Variants in POLD3 observed in about 807,000 individuals in gnomAD.
POLD3 encodes DNA polymerase delta 3, accessory subunit.
POLD3 carries 19 observed loss-of-function variants against 58.2 expected under a neutral mutation model. The ratio of observed to expected loss-of-function variants is 0.33; its 90% CI spans 0.23 to 0.48. The LOEUF (loss-of-function observed/expected upper bound fraction) is 0.48, where lower values mean the gene tolerates loss of function less well. Ranked by LOEUF, POLD3 falls within the 20% of genes least tolerant of loss-of-function variation. POLD3 has a pLI of 0.99. For missense variants in POLD3, 504 were observed against 545.5 expected (o/e 0.92, Z 0.76); for synonymous variants, 172 against 193.5 (o/e 0.89, Z 0.92).
downstream of POLD3, among the ~76,000 whole-genome samples, chr11:74,644,141 G>A (rs952006511): frequency 2.6e-5 from 4 of 152,128 alleles, no homozygotes; most frequent in Non-Finnish European, 4.4e-5. Context: ...TTCTATCTTT[G>A]TTTCTTTAAG....
intron 11 of POLD3, among the ~76,000 whole-genome samples, chr11:74,636,720 A>G (rs1311478755): frequency 6.6e-6 from 1 of 152,258 alleles, no homozygotes; most frequent in East Asian, 1.9e-4. Flanking sequence ...AAAAGAAGCT[A>G]CAGATGATTA....
chr11:74,636,249 C>T lies in POLD3; in HGVS notation c.1172C>T (p.Thr391Ile). Reference protein sequence around the residue: ...RKRKRVLKSKTYLDGEGCIVT... With the variant: ...RKRKRVLKSKIYLDGEGCIVT... The stretch of plus-strand genomic sequence containing the variant: ...CGAAAACGCGTACTAAAATCTAAAA[C>T]TTACCTGGATGGGGAAGGCTGCATA... Residue 391 changes from threonine (T) to isoleucine (I), a missense_variant, in exon 11 of 12, where the codon ACT becomes ATT. By Grantham distance (89) the Thr-to-Ile change is moderately conservative. Transcript: ENST00000263681. The T allele has an allele frequency of 6.2e-7, 1 of 1,613,002 alleles. No individual in the cohort carries two copies. Among genetic ancestry groups the T allele is most frequent in the Non-Finnish European group, 8.5e-7 (1 of 1,179,010 alleles).
rs770740147 is a variant in POLD3 at position 74,612,859 on chromosome 11, T to C, written c.260-19T>C. ...TGAAGTTTGTGTATTAACTGACTGCTTTTCCTGTTGACTTGTAGCAGTGAA... is the reference window on the plus strand; with the variant it reads ...TGAAGTTTGTGTATTAACTGACTGCCTTTCCTGTTGACTTGTAGCAGTGAA... On this transcript the variant is annotated intron_variant, in intron 4 of 11. Coordinates refer to ENST00000263681, the MANE Select transcript of POLD3 (RefSeq NM_006591.3). 6 of 1,599,746 alleles carry C rather than the reference T, an allele frequency of 3.8e-6. No individual in the cohort carries two copies. In the Admixed American group the frequency reaches 8.9e-5, roughly 24 times the overall value.
At position 74,640,848 on chromosome 11, in the gene POLD3, T is replaced by G. The variant is rs576563288; in HGVS notation, c.*82T>G. 12 of 1,374,656 alleles carry G rather than the reference T, an allele frequency of 8.7e-6. No individual in the cohort carries two copies. The highest frequency in any genetic ancestry group is 1.5e-5 in the African/African-American group (1 of 67,234). 85.2% of individuals were successfully genotyped at this position (1,374,656 alleles called of 1,614,324 possible). Reference sequence around the variant, plus strand: ...TGTACTCCTCACTTACTATGTAAGTTCATCTAGATCTCCACCTCACCTGTA... The same window carrying G: ...TGTACTCCTCACTTACTATGTAAGTGCATCTAGATCTCCACCTCACCTGTA... On this transcript the variant is annotated 3_prime_UTR_variant, in exon 12 of 12. Transcript: ENST00000263681.
At chr11:74,608,463 C>T (rs1256461766) in intron 3 of POLD3, among the ~76,000 whole-genome samples, 1 of 152,080 alleles carries the variant, frequency 6.6e-6, no homozygotes, top group Admixed American at 6.6e-5. Context: ...ATAATTTTCT[C>T]TCATCAACTA....
chr11:74,621,228 C>T (rs989256305), intron 7 of POLD3, among the ~76,000 whole-genome samples: 8 of 152,026 alleles, frequency 5.3e-5, no homozygotes, highest in Admixed American at 6.6e-5. Context: ...AATGAGCAAG[C>T]GTTATTATGC....
intron 5 of POLD3, among the ~76,000 whole-genome samples, chr11:74,613,942 G>A (rs997487828): frequency 1.3e-5 from 2 of 152,150 alleles, no homozygotes; most frequent in Non-Finnish European, 2.9e-5. Flanking sequence ...TGACACAGAA[G>A]GTTATGATAT....
At chr11:74,592,972 A>C in intron 1 of POLD3, 1 of 1,359,002 alleles carries the variant, frequency 7.4e-7, no homozygotes, top group Non-Finnish European at 9.5e-7. Flanking sequence ...GGAGCCGCGG[A>C]GACCGGGCGC....
chr11:74,594,276 C>T (rs1270907854), intron 2 of POLD3, among the ~76,000 whole-genome samples, 160 bp downstream of exon 2: 1 of 152,194 alleles, frequency 6.6e-6, no homozygotes, highest in Admixed American at 6.5e-5. Flanking sequence ...ATTCCAATCT[C>T]TGCCTTCATT....
Position 74,665,081 on chromosome 11 carries a change from CAG to C in POLD3, c.370-3693_370-3692del, listed in dbSNP as rs369751436. On this transcript the variant is annotated intron_variant, in intron 4 of 4. Transcript: ENST00000524752. ...CACCACTGCACTCCAGCCTGGTCAA[CAG>C]AGTGAGACTCCATCTCAAAAAATAA... Among the ~76,000 whole-genome samples, 272 of 151,360 alleles carry C rather than the reference CAG, an allele frequency of 1.8e-3. 2 individuals are homozygous for C. Among genetic ancestry groups the C allele is most frequent in the African/African-American group, 4.7e-3 (195 of 41,194 alleles).
intron 6 of POLD3, among the ~76,000 whole-genome samples, chr11:74,619,435 G>A (rs1005892146): frequency 1.3e-5 from 2 of 152,192 alleles, no homozygotes; most frequent in Admixed American, 1.3e-4. Context: ...ATTTTCAAGC[G>A]TCTGTCTTGG....
intron 4 of POLD3, among the ~76,000 whole-genome samples, chr11:74,659,037 G>A (rs574942540): frequency 7.9e-5 from 12 of 152,328 alleles, no homozygotes; most frequent in African/African-American, 2.6e-4. Context: ...TTTTCCATGA[G>A]GGCCCCACTC....
chr11:74,600,854 A>G (rs1267467225), intron 2 of POLD3, among the ~76,000 whole-genome samples: 1 of 150,030 alleles, frequency 6.7e-6, no homozygotes, highest in Admixed American at 6.7e-5. Context: ...AGTAACTGGG[A>G]TTACGGGCAT....
intron 11 of POLD3, among the ~76,000 whole-genome samples, chr11:74,637,413 GT>G (rs541119365): frequency 0.028 from 3,330 of 120,496 alleles, 103 homozygotes; most frequent in African/African-American, 0.086. Context: ...CTTTGAATGG[GT>G]TTTTTTTTTT....
chr11:74,602,813 A>G lies in POLD3; in HGVS notation c.117-1879A>G, dbSNP rs145557498. On this transcript the variant is annotated intron_variant, in intron 2 of 11. Transcript: ENST00000263681. The stretch of plus-strand genomic sequence containing the variant: ...TACCGTCCTTATTCCACTACAGCAC[A>G]CTGGCCTTTCTGTTCCTTGGATCTT... 2.6e-5 allele frequency among the ~76,000 whole-genome samples: 4 copies of G among 152,276 alleles called. No individual in the cohort carries two copies. In the East Asian group the frequency reaches 7.7e-4, roughly 29 times the overall value.
At chr11:74,648,237 C>T (rs1207384665) in intron 4 of POLD3, among the ~76,000 whole-genome samples, 2 of 152,178 alleles carry the variant, frequency 1.3e-5, no homozygotes, top group Admixed American at 1.3e-4. Flanking sequence ...CTACGATCTG[C>T]AGCTTGTATC....
chr11:74,613,076 G>A, intron 5 of POLD3, 66 bp downstream of exon 5: 1 of 1,461,038 alleles, frequency 6.8e-7, no homozygotes. Flanking sequence ...TTACACAGTG[G>A]CTGCCTCTTA....
At chr11:74,601,400 G>A (rs2135120289) in intron 2 of POLD3, among the ~76,000 whole-genome samples, 2 of 152,274 alleles carry the variant, frequency 1.3e-5, no homozygotes, top group East Asian at 3.9e-4. Context: ...CAGTCTAGAG[G>A]GGATGCGTCA....
chr11:74,608,962 T>A (rs2031791843), intron 3 of POLD3, among the ~76,000 whole-genome samples: 1 of 152,218 alleles, frequency 6.6e-6, no homozygotes, highest in Admixed American at 6.5e-5. Context: ...TTACACTTTT[T>A]AAAAAACTTA....
Sources: allele counts gnomAD v4.1 joint callset (sites outside exome capture counted in the v4.1 genomes callset), GRCh38; gene constraint gnomAD v4.1.1; transcripts MANE v1.5; gene names NCBI Gene and HGNC (gene_info 2026-07-23, HGNC 2026-07-21).